Variants in TTC27 observed in about 807,000 individuals in gnomAD.
The protein encoded by TTC27 is tetratricopeptide repeat domain 27.
TTC27 carries 79 observed loss-of-function variants against 115.9 expected under a neutral mutation model. That is an observed-to-expected ratio of 0.68 (90% CI 0.57 to 0.82). The LOEUF (loss-of-function observed/expected upper bound fraction) is 0.82. Ranked by LOEUF, TTC27 falls within the 40% of genes least tolerant of loss-of-function variation. TTC27 has a pLI of 0.00. For missense variants in TTC27, 1,054 were observed against 993.1 expected (o/e 1.06, Z -0.82); for synonymous variants, 401 against 356.0 (o/e 1.13, Z -1.42).
chr2:32,792,118 A>G (rs1157712071), intron 16 of TTC27, among the ~76,000 whole-genome samples: 1 of 152,164 alleles, frequency 6.6e-6, no homozygotes, highest in Non-Finnish European at 1.5e-5. Context: ...AGATAGAATC[A>G]TACAGTATGT....
At chr2:32,708,997 A>G (rs1347929638) in intron 10 of TTC27, among the ~76,000 whole-genome samples, 1 of 152,240 alleles carries the variant, frequency 6.6e-6, no homozygotes, top group African/African-American at 2.4e-5. Flanking sequence ...TTGTGACTGC[A>G]TAGGGGGGTT....
chr2:32,801,676 A>G (rs556913785), intron 16 of TTC27, among the ~76,000 whole-genome samples: 2 of 152,364 alleles, frequency 1.3e-5, no homozygotes, highest in Admixed American at 6.5e-5. Flanking sequence ...AGCGGTGTTC[A>G]TGAAGAGGGG....
chr2:32,812,411 C>T, intron 17 of TTC27, 93 bp from the exon 18 acceptor site: 8 of 903,472 alleles, frequency 8.9e-6, no homozygotes, highest in Non-Finnish European at 1.4e-5. Flanking sequence ...TGCTTTTTCA[C>T]ATTGGAATTA....
At chr2:32,668,806 G>A (rs1040526073) in intron 7 of TTC27, among the ~76,000 whole-genome samples, 1 of 151,058 alleles carries the variant, frequency 6.6e-6, no homozygotes, top group African/African-American at 2.4e-5. Context: ...TTGGCTGGGC[G>A]TGGTGGCTCA....
chr2:32,762,697 G>A (rs1341247268), intron 13 of TTC27, among the ~76,000 whole-genome samples: 3 of 151,992 alleles, frequency 2.0e-5, no homozygotes, highest in South Asian at 2.1e-4. Flanking sequence ...GCAGTGGCGC[G>A]ATCTCAGCTT....
chr2:32,804,131 A>T (rs960714333), intron 16 of TTC27, among the ~76,000 whole-genome samples: 32 of 152,218 alleles, frequency 2.1e-4, no homozygotes, highest in African/African-American at 7.5e-4. Flanking sequence ...AAAGAAACAT[A>T]GTTCAGAATA....
intron 10 of TTC27, among the ~76,000 whole-genome samples, chr2:32,730,001 G>C (rs1451619454): frequency 6.6e-6 from 1 of 152,168 alleles, no homozygotes; most frequent in Non-Finnish European, 1.5e-5. Flanking sequence ...GTGTGTGAAA[G>C]CTTGCGAGGT....
rs34859954 is a variant in TTC27, at chr2:32,789,921, C to CAAAAAA, written c.1998+2792_1998+2797dup. 1.2e-3 allele frequency among the ~76,000 whole-genome samples: 32 copies of CAAAAAA among 25,930 alleles called. 1 individual carries two copies. The highest frequency in any genetic ancestry group is 1.8e-3 in the African/African-American group (10 of 5,632). 17.0% of individuals were successfully genotyped at this position (25,930 alleles called of 152,430 possible). ...GGATGACAGAGCAAGACCCTGTCTCCAAAAAAAAAAAAAAAAAAAAAAAAA... is the reference window on the plus strand; with the variant it reads ...GGATGACAGAGCAAGACCCTGTCTCCAAAAAAAAAAAAAAAAAAAAAAAAAAAAAAA... On this transcript the variant is annotated intron_variant, in intron 16 of 19. Transcript: ENST00000317907.
intron 16 of TTC27, among the ~76,000 whole-genome samples, chr2:32,796,400 A>C (rs1295390196): frequency 6.6e-6 from 1 of 152,216 alleles, no homozygotes; most frequent in Non-Finnish European, 1.5e-5. Flanking sequence ...AATTCAGCGC[A>C]GAGACTGCAG....
At chr2:32,782,972 A>T (rs963720351) in intron 15 of TTC27, among the ~76,000 whole-genome samples, 4 of 152,192 alleles carry the variant, frequency 2.6e-5, no homozygotes, top group African/African-American at 9.7e-5. Flanking sequence ...AAAAGCAAAC[A>T]TATGTTTAGT....
chr2:32,715,566 A>G (rs990442078), intron 10 of TTC27, among the ~76,000 whole-genome samples: 3 of 152,160 alleles, frequency 2.0e-5, no homozygotes, highest in East Asian at 3.8e-4. Flanking sequence ...CATGCTTTGA[A>G]GGAGTGGGGA....
intron 3 of TTC27, among the ~76,000 whole-genome samples, chr2:32,635,622 T>G (rs1205014490): frequency 6.6e-6 from 1 of 152,080 alleles, no homozygotes; most frequent in African/African-American, 2.4e-5. Flanking sequence ...AGGCGGAGGT[T>G]GCAGTGAGCC....
chr2:32,646,806 G>A (rs1351275449), intron 4 of TTC27, among the ~76,000 whole-genome samples: 1 of 150,996 alleles, frequency 6.6e-6, no homozygotes, highest in Admixed American at 6.6e-5. Flanking sequence ...CTTGTGATCC[G>A]CCTGCCTCAG....
At chr2:32,667,994 G>A (rs908841644) in intron 7 of TTC27, among the ~76,000 whole-genome samples, 1 of 151,416 alleles carries the variant, frequency 6.6e-6, no homozygotes, top group African/African-American at 2.4e-5. Flanking sequence ...GACCATCCTG[G>A]CTAACATGGT....
chr2:32,659,253 C>G (rs576540333), intron 5 of TTC27, among the ~76,000 whole-genome samples: 60 of 152,222 alleles, frequency 3.9e-4, no homozygotes, highest in Non-Finnish European at 6.6e-4. Context: ...GCGTGAGCCA[C>G]GATGCCCAGC....
intron 10 of TTC27, among the ~76,000 whole-genome samples, chr2:32,714,377 C>G (rs61469829): frequency 0.12 from 18,350 of 152,050 alleles, 1,524 homozygotes; most frequent in African/African-American, 0.24. Flanking sequence ...CCAGGATGGT[C>G]TCGATCTCCT....
intron 8 of TTC27, among the ~76,000 whole-genome samples, chr2:32,678,407 T>G (rs752228626): frequency 6.0e-4 from 92 of 152,134 alleles, no homozygotes; most frequent in Non-Finnish European, 1.0e-3. Context: ...ATTTATTTAT[T>G]TATTTATTTT....
intron 12 of TTC27, among the ~76,000 whole-genome samples, chr2:32,744,349 C>T (rs1437550915): frequency 6.6e-6 from 1 of 152,154 alleles, no homozygotes; most frequent in Non-Finnish European, 1.5e-5. Flanking sequence ...TAGTTTTGAT[C>T]TTCTACTATT....
chr2:32,634,051 A>AT, intron 3 of TTC27, 46 bp downstream of exon 3: 3 of 1,566,232 alleles, frequency 1.9e-6, no homozygotes, highest in Non-Finnish European at 2.6e-6. Context: ...TATGTTATTT[A>AT]TTTTTTATAA....
Sources: gnomAD v4.1 joint callset for allele counts (sites outside exome capture counted in the v4.1 genomes callset) on GRCh38, gnomAD v4.1.1 for gene constraint, MANE v1.5 for transcripts, NCBI Gene and HGNC (gene_info 2026-07-23, HGNC 2026-07-21) for gene names.